Variants in BTBD7 observed in about 807,000 individuals in gnomAD.
The protein encoded by BTBD7 is BTB domain containing 7.
A neutral mutation model predicts 99.9 loss-of-function variants in BTBD7; 38 were observed. The observed-to-expected ratio is 0.38, with a 90% CI of 0.29 to 0.50. BTBD7 has a LOEUF of 0.50. Among genes scored for constraint, BTBD7 ranks in the 20% least tolerant of loss-of-function variants. The pLI is 0.93. For synonymous variants in BTBD7, 520 were observed against 511.4 expected (o/e 1.02, Z -0.23); for missense variants, 1,170 against 1,394.6 (o/e 0.84, Z 2.57).
At chr14:93,272,412 T>C (rs963176377) in intron 3 of BTBD7, among the ~76,000 whole-genome samples, 1 of 152,204 alleles carries the variant, frequency 6.6e-6, no homozygotes, top group Non-Finnish European at 1.5e-5. Context: ...ATCTTTAATT[T>C]CTACTCTGCC....
chr14:93,332,726 C>A lies in BTBD7; in HGVS notation c.-107+94G>T, dbSNP rs1246119957. 28 of 1,358,452 alleles carry A rather than the reference C, an allele frequency of 2.1e-5. 1 individual carries two copies. In the South Asian group the frequency reaches 4.9e-4, roughly 24 times the overall value. 84.1% of individuals were successfully genotyped at this position (1,358,452 alleles called of 1,614,324 possible). On this transcript the variant is annotated intron_variant, in intron 1 of 10. Coordinates refer to ENST00000334746, the MANE Select transcript of BTBD7 (RefSeq NM_001002860.4). ...CTTGGCCCCAGCCCCGGCGCCCCCACGCCTAAGAACAGCCCCTTCCTCTCC... is the reference window on the plus strand; with the variant it reads ...CTTGGCCCCAGCCCCGGCGCCCCCAAGCCTAAGAACAGCCCCTTCCTCTCC...
At chr14:93,317,636 C>T (rs1490868250) in intron 1 of BTBD7, among the ~76,000 whole-genome samples, 1 of 152,102 alleles carries the variant, frequency 6.6e-6, no homozygotes, top group African/African-American at 2.4e-5. Context: ...GCCAAAAAGA[C>T]AACATAGCAG....
intron 1 of BTBD7, among the ~76,000 whole-genome samples, chr14:93,316,363 A>G (rs1482869769): frequency 6.6e-6 from 1 of 151,964 alleles, no homozygotes; most frequent in African/African-American, 2.4e-5. Context: ...TCCTGGGCTC[A>G]AGTGATCCTC....
At chr14:93,325,507 G>C (rs74559310) in intron 1 of BTBD7, among the ~76,000 whole-genome samples, 11,965 of 152,224 alleles carry the variant, frequency 0.079, 1,008 homozygotes, top group African/African-American at 0.21. Flanking sequence ...ACAAGTTGCA[G>C]AGACTTAGCT....
chr14:93,326,671 G>A lies in BTBD7; in HGVS notation c.-107+6149C>T, dbSNP rs143063390. Reference sequence around the variant, plus strand: ...ACAAAAATCAGCCAGGTGTGGTGGCGCGTACCTACAGTCCCAGCTACTTGG... The same window carrying A: ...ACAAAAATCAGCCAGGTGTGGTGGCACGTACCTACAGTCCCAGCTACTTGG... On this transcript the variant is annotated intron_variant, in intron 1 of 10. Coordinates refer to ENST00000334746, the MANE Select transcript of BTBD7 (RefSeq NM_001002860.4). 1.7e-3 allele frequency among the ~76,000 whole-genome samples: 265 copies of A among 151,898 alleles called. 1 individual carries two copies. The highest frequency in any genetic ancestry group is 3.4e-3 in the Middle Eastern group (1 of 294).
rs748232389 is a variant in BTBD7 at position 93,253,764 on chromosome 14, A to G, written c.1635T>C (p.Pro545=). The change falls in exon 7 of 11, where the codon CCT becomes CCC. Residue 545 remains proline, a synonymous_variant. Coordinates refer to ENST00000334746, the MANE Select transcript of BTBD7 (RefSeq NM_001002860.4). ...DAMKRGLIST[P]PSDMLPTTEG... ...CTGTTGTAGGAAGCATATCTGATGG[A>G]GGAGTACTAATCAAGCCTCTTTTCA... The G allele has an allele frequency of 2.3e-5, 37 of 1,608,650 alleles. No homozygotes were observed. The East Asian group carries it at 7.6e-4, about 33-fold the overall frequency.
rs773513406 is a variant in BTBD7 at position 93,263,897 on chromosome 14, C to T, written c.1259G>A (p.Arg420Gln). ...CTCACAGAGGAAATGTAAAGCTTGT[C>T]GGTGCACCCATTTAGAGCCATATGG... ...SHPYGSKWVH[R>Q]QALHFLCEEF... Residue 420 changes from arginine (R) to glutamine (Q), a missense_variant, in exon 4 of 11, where the codon CGA (arginine) becomes CAA (glutamine). Arg to Gln is a conservative substitution (Grantham distance 43). Around this residue, in one of 4 missense-constraint regions of BTBD7, gnomAD observed 309 missense variants for 342.0 expected, o/e 0.90. Coordinates refer to ENST00000334746, the MANE Select transcript of BTBD7 (RefSeq NM_001002860.4). 20 of 1,613,972 alleles carry T rather than the reference C, an allele frequency of 1.2e-5. No homozygotes were observed. The highest frequency in any genetic ancestry group is 5.0e-5 in the Admixed American group (3 of 59,994).
chr14:93,332,746 C>G, intron 1 of BTBD7, 74 bp downstream of exon 1: 1 of 1,429,312 alleles, frequency 7.0e-7, no homozygotes, highest in Non-Finnish European at 9.1e-7. Flanking sequence ...CAGCCCCTTC[C>G]TCTCCCGGAC....
intron 9 of BTBD7, 43 bp downstream of exon 9, chr14:93,248,433 G>T: frequency 6.3e-7 from 1 of 1,593,508 alleles, no homozygotes; most frequent in South Asian, 1.1e-5. Context: ...CCTGTCTGGT[G>T]ACTGAGGCTC....
intron 9 of BTBD7, among the ~76,000 whole-genome samples, chr14:93,246,773 A>G (rs745728150): frequency 6.6e-5 from 10 of 152,274 alleles, no homozygotes; most frequent in Non-Finnish European, 1.5e-4. Flanking sequence ...AACATTATAA[A>G]AGAATATGTC....
At chr14:93,314,615 C>A (rs542688747) in intron 1 of BTBD7, among the ~76,000 whole-genome samples, 1 of 152,218 alleles carries the variant, frequency 6.6e-6, no homozygotes, top group East Asian at 1.9e-4. Context: ...AATAGCACTG[C>A]AAGTCTTTTA....
At chr14:93,321,152 C>T (rs1382396918) in intron 1 of BTBD7, among the ~76,000 whole-genome samples, 1 of 152,178 alleles carries the variant, frequency 6.6e-6, no homozygotes, top group Non-Finnish European at 1.5e-5. Context: ...TGACACACTA[C>T]ATGAAAGGTA....
In BTBD7 at chr14:93,246,224, T is replaced by A; in HGVS notation, c.2184A>T (p.Arg728Ser). The A allele has an allele frequency of 6.3e-7, 1 of 1,589,666 alleles. No homozygotes were observed. The highest frequency in any genetic ancestry group is 8.6e-7 in the Non-Finnish European group (1 of 1,166,104). Residue 728 changes from arginine to serine, a missense_variant, in exon 10 of 11, where the codon AGA (arginine) becomes AGT (serine). Coordinates refer to ENST00000334746, the MANE Select transcript of BTBD7 (RefSeq NM_001002860.4). Reference sequence around the variant, plus strand: ...TGTTTACGCGACATCTCCCAGGCTGTCTCATTGTCAAGAGTGGACTTTCAT... The same window carrying A: ...TGTTTACGCGACATCTCCCAGGCTGACTCATTGTCAAGAGTGGACTTTCAT... The part of the protein sequence containing the change: ...FGDESPLLTM[R>S]QPGRCRVNST...
At position 93,241,813 on chromosome 14, in the gene BTBD7, G is replaced by C. The variant is rs1378137230; in HGVS notation, c.*460C>G. 6.3e-6 allele frequency: 1 copy of C among 159,776 alleles called. No homozygotes were observed. The highest frequency in any genetic ancestry group is 6.2e-5 in the Admixed American group (1 of 16,140). 9.9% of individuals were successfully genotyped at this position (159,776 alleles called of 1,614,324 possible). On this transcript the variant is annotated 3_prime_UTR_variant, in exon 11 of 11. Coordinates refer to ENST00000334746, the MANE Select transcript of BTBD7 (RefSeq NM_001002860.4). Reference sequence around the variant, plus strand: ...TTTCTATAATTAAAAAATAAACACAGAACTATTTCGTAAGAAAATACATCT... The same window carrying C: ...TTTCTATAATTAAAAAATAAACACACAACTATTTCGTAAGAAAATACATCT...
chr14:93,312,645 C>CA, intron 1 of BTBD7, among the ~76,000 whole-genome samples: 1 of 152,268 alleles, frequency 6.6e-6, no homozygotes. Context: ...ACAAGCCCTA[C>CA]AGGAGACTGA....
chr14:93,261,848 T>C (rs567233764), intron 4 of BTBD7, among the ~76,000 whole-genome samples, 171 bp from the exon 5 acceptor site: 1 of 152,372 alleles, frequency 6.6e-6, no homozygotes, highest in South Asian at 2.1e-4. Flanking sequence ...ACAGGAAATA[T>C]ACAAGACTGC....
At chr14:93,297,268 A>G (rs1368501158) in intron 1 of BTBD7, among the ~76,000 whole-genome samples, 4 of 152,234 alleles carry the variant, frequency 2.6e-5, no homozygotes, top group Non-Finnish European at 5.9e-5. Flanking sequence ...TTCATGTTTA[A>G]AAATATCGTT....
At chr14:93,301,267 C>T (rs1330478601) in intron 1 of BTBD7, among the ~76,000 whole-genome samples, 2 of 151,916 alleles carry the variant, frequency 1.3e-5, no homozygotes, top group Non-Finnish European at 2.9e-5. Flanking sequence ...TCTCAGCTCA[C>T]TGCAACCTCC....
chr14:93,290,104 T>C (rs1437458768), intron 3 of BTBD7, among the ~76,000 whole-genome samples: 1 of 152,002 alleles, frequency 6.6e-6, no homozygotes, highest in Non-Finnish European at 1.5e-5. Context: ...CCGCCTGCCT[T>C]GGCCTCCCAA....
Sources: gnomAD v4.1 joint callset for allele counts (sites outside exome capture counted in the v4.1 genomes callset) on GRCh38, gnomAD v4.1.1 for gene constraint, gnomAD v4.1.1 regional missense constraint, MANE v1.5 for transcripts, NCBI Gene and HGNC (gene_info 2026-07-23, HGNC 2026-07-21) for gene names.